Variants in KRT86 observed in about 807,000 individuals in gnomAD.
The protein encoded by KRT86 is keratin 86, also known as keratin, type II cuticular Hb6.
In KRT86, 30 loss-of-function variants were observed where a neutral mutation model predicts 41.2. The ratio of observed to expected loss-of-function variants is 0.73; its 90% CI spans 0.54 to 0.99. KRT86 has a LOEUF of 0.99. Among genes scored for constraint, KRT86 ranks in the 50% least tolerant of loss-of-function variants. The pLI is 0.00. For missense variants in KRT86, 561 were observed against 571.4 expected (o/e 0.98, Z 0.19); for synonymous variants, 238 against 238.1 (o/e 1.00, Z 0.00).
In KRT86 at chr12:52,286,982, G is replaced by A. The variant is rs59448276; in HGVS notation, c.-5+11036G>A. ...CTCACACACCAGCCCTCCCCACACC[G>A]GAAGTGAATAATAATATTTTTTTCC... On this transcript the variant is annotated intron_variant, in intron 2 of 10. Coordinates refer to ENST00000423955, the MANE Select transcript of KRT86 (RefSeq NM_001320198.2). The A allele has an allele frequency of 0.019, 29,496 of 1,574,526 alleles. 2,079 individuals are homozygous for A. The African/African-American group carries it at 0.2, about 11-fold the overall frequency.
intron 2 of KRT86, among the ~76,000 whole-genome samples, chr12:52,285,228 C>T (rs1031496825): frequency 1.3e-5 from 2 of 152,294 alleles, no homozygotes; most frequent in South Asian, 2.1e-4. Context: ...CAGGGCCCAG[C>T]TTGGGGCCCA....
Position 52,308,586 on chromosome 12 carries a change from G to C in KRT86, c.*1G>C, listed in dbSNP as rs1402686934. On this transcript the variant is annotated 3_prime_UTR_variant, in exon 11 of 11. Coordinates refer to ENST00000423955, the MANE Select transcript of KRT86 (RefSeq NM_001320198.2). ...CGGCGGCAGCTGTAAGAGGTGCTAG[G>C]AGGCTGCCGCCTCCGCCAGCGCCTG... 5.6e-6 allele frequency: 9 copies of C among 1,596,018 alleles called. No homozygotes were observed. The highest frequency in any genetic ancestry group is 7.6e-6 in the Non-Finnish European group (9 of 1,178,958).
At chr12:52,299,978 G>C (rs948321454) in intron 2 of KRT86, among the ~76,000 whole-genome samples, 1 of 152,086 alleles carries the variant, frequency 6.6e-6, no homozygotes, top group Non-Finnish European at 1.5e-5. Flanking sequence ...TTTTGCTTTG[G>C]TTGCCTTTGG....
At chr12:52,295,190 C>T (rs1938220409) in intron 2 of KRT86, among the ~76,000 whole-genome samples, 1 of 152,014 alleles carries the variant, frequency 6.6e-6, no homozygotes, top group South Asian at 2.1e-4. Context: ...ACTATTCTTC[C>T]AAACTTAATA....
intron 2 of KRT86, among the ~76,000 whole-genome samples, chr12:52,276,824 G>A (rs544800671): frequency 2.6e-5 from 4 of 152,116 alleles, no homozygotes; most frequent in Non-Finnish European, 5.9e-5. Context: ...TCACACCCCC[G>A]CTGGCTCAAG....
At chr12:52,287,362 G>A (rs780572469) in intron 2 of KRT86, 13 of 1,610,952 alleles carry the variant, frequency 8.1e-6, no homozygotes, top group Non-Finnish European at 1.0e-5. Flanking sequence ...TAGAGTCCCT[G>A]GGTCTCTCTG....
intron 2 of KRT86, among the ~76,000 whole-genome samples, chr12:52,293,579 G>A (rs1197556041): frequency 2.0e-5 from 3 of 152,162 alleles, no homozygotes; most frequent in Non-Finnish European, 4.4e-5. Flanking sequence ...AGGGACACAC[G>A]GCGATGTGAG....
chr12:52,287,420 C>T, intron 2 of KRT86: 3 of 1,572,910 alleles, frequency 1.9e-6, no homozygotes, highest in Non-Finnish European at 2.6e-6. Context: ...GGGAGCACCC[C>T]AGAACAGAGC....
intron 2 of KRT86, among the ~76,000 whole-genome samples, chr12:52,293,542 G>T (rs906821755): frequency 2.6e-5 from 4 of 152,170 alleles, no homozygotes; most frequent in African/African-American, 9.7e-5. Flanking sequence ...AGTGGATTGG[G>T]ATGGTTAGAA....
intron 2 of KRT86, among the ~76,000 whole-genome samples, chr12:52,284,516 G>A (rs995053080): frequency 6.6e-6 from 1 of 152,180 alleles, no homozygotes; most frequent in Non-Finnish European, 1.5e-5. Context: ...GCTGTGTGAT[G>A]TCACAGCATA....
chr12:52,307,956 AC>A (rs1241796716), intron 9 of KRT86, among the ~76,000 whole-genome samples: 2 of 152,242 alleles, frequency 1.3e-5, no homozygotes, highest in Non-Finnish European at 2.9e-5. Flanking sequence ...CAAGAGATCT[AC>A]GAAGTAGGTT....
chr12:52,279,089 C>CGGGCCCCGCCCG (rs911743289), intron 2 of KRT86: 6 of 152,220 alleles, frequency 3.9e-5, no homozygotes, highest in Non-Finnish European at 8.8e-5. Flanking sequence ...TCCGTTCAGC[C>CGGGCCCCGCCCG]GGGCTCCGCC....
Position 52,308,533 on chromosome 12 carries a change from G to A in KRT86, c.1409G>A (p.Cys470Tyr). Reference protein sequence around the residue: ...SNVVVGTTNACAPSARVGVCG... With the variant: ...SNVVVGTTNAYAPSARVGVCG... ...GTGGTGGTGGGCACTACTAACGCCT[G>A]CGCCCCCTCCGCCCGGGTTGGCGTC... is the stretch of plus-strand genomic sequence containing the variant. The change falls in exon 11 of 11, where the codon TGC (cysteine) becomes TAC (tyrosine). Residue 470 changes from cysteine (C) to tyrosine (Y), a missense_variant. Transcript: ENST00000423955. 6.2e-7 allele frequency: 1 copy of A among 1,602,816 alleles called. No homozygotes were observed. The highest frequency in any genetic ancestry group is 8.5e-7 in the Non-Finnish European group (1 of 1,179,828).
chr12:52,299,598 C>T (rs931191270), intron 2 of KRT86, among the ~76,000 whole-genome samples: 2 of 152,158 alleles, frequency 1.3e-5, no homozygotes, highest in Admixed American at 1.3e-4. Flanking sequence ...CACATCCTTG[C>T]CAGCATCCAT....
At chr12:52,286,103 G>T in intron 2 of KRT86, 1 of 718,920 alleles carries the variant, frequency 1.4e-6, no homozygotes, top group Non-Finnish European at 2.4e-6. Flanking sequence ...AGAAGTGGGG[G>T]ATCACACAGA....
chr12:52,278,593 G>A (rs1177229693), intron 2 of KRT86, among the ~76,000 whole-genome samples: 1 of 152,108 alleles, frequency 6.6e-6, no homozygotes, highest in Non-Finnish European at 1.5e-5. Flanking sequence ...TGTGTCCTGG[G>A]GAATGCAGAA....
intron 2 of KRT86, chr12:52,286,529 G>A: frequency 6.5e-7 from 1 of 1,545,274 alleles, no homozygotes; most frequent in African/African-American, 1.4e-5. Flanking sequence ...AATTCTGAAG[G>A]GCAAGCCATC....
intron 2 of KRT86, among the ~76,000 whole-genome samples, chr12:52,299,664 A>G (rs1225568180): frequency 6.6e-6 from 1 of 152,124 alleles, no homozygotes; most frequent in Non-Finnish European, 1.5e-5. Context: ...TGATAATCTT[A>G]TTGTGGTATT....
intron 2 of KRT86, among the ~76,000 whole-genome samples, chr12:52,278,766 T>C (rs1937699878): frequency 6.6e-6 from 1 of 152,150 alleles, no homozygotes; most frequent in Admixed American, 6.5e-5. Context: ...GTCCACACCT[T>C]GGCGTGCCTC....
Sources: gnomAD v4.1 joint callset for allele counts (sites outside exome capture counted in the v4.1 genomes callset) on GRCh38, gnomAD v4.1.1 for gene constraint, MANE v1.5 for transcripts, NCBI Gene and HGNC (gene_info 2026-07-23, HGNC 2026-07-21) for gene names.